CCSER1: variants seen among roughly 807,000 people sequenced by gnomAD.
CCSER1 encodes the protein coiled-coil serine rich protein 1, also known as serine-rich coiled-coil domain-containing protein 1.
Under a neutral mutation model 82.0 loss-of-function variants are expected in CCSER1, and 41 were observed. The observed-to-expected ratio is 0.50, with a 90% confidence interval of 0.39 to 0.65. CCSER1 has a LOEUF of 0.65. Among genes scored for constraint, CCSER1 ranks in the 30% least tolerant of loss-of-function variants. The pLI is 0.00. For missense variants in CCSER1, 1,119 were observed against 1,064.2 expected (o/e 1.05, Z -0.72); for synonymous variants, 414 against 383.9 (o/e 1.08, Z -0.92).
In CCSER1 at chr4:91,075,546, A is replaced by T. The variant is rs59725775; in HGVS notation, c.2173-10404A>T. 9.1e-3 allele frequency among the ~76,000 whole-genome samples: 1,387 copies of T among 152,292 alleles called. 17 individuals carry two copies. The highest frequency in any genetic ancestry group is 0.032 in the African/African-American group (1,324 of 41,556). Reference sequence around the variant, plus strand: ...TAATATTAAGAATCAACCCATATGCATACATATATATGAATAATTTGACTG... The same window carrying T: ...TAATATTAAGAATCAACCCATATGCTTACATATATATGAATAATTTGACTG... On this transcript the variant is annotated intron_variant, in intron 9 of 10. Coordinates refer to ENST00000509176, the MANE Select transcript of CCSER1 (RefSeq NM_001145065.2).
chr4:90,672,272 A>G (rs13131985), intron 6 of CCSER1, among the ~76,000 whole-genome samples: 69,841 of 151,866 alleles, frequency 0.46, 16,448 homozygotes, highest in Middle Eastern at 0.59. Flanking sequence ...ACCTTTATCA[A>G]TTATCTTAGC....
intron 1 of CCSER1, among the ~76,000 whole-genome samples, chr4:90,181,288 A>G (rs1263034502): frequency 1.3e-5 from 2 of 152,218 alleles, no homozygotes; most frequent in African/African-American, 2.4e-5. Context: ...TGGTCATAGT[A>G]ATTTTAATTC....
Position 90,309,633 on chromosome 4 carries a change from A to G in CCSER1, c.1324+25A>G, listed in dbSNP as rs1427587907. ...GGTATGCTGATTTTTTTTGTATAAC[A>G]AATGATATGAATTAATTTTCATTAT... On this transcript the variant is annotated intron_variant, in intron 2 of 10. Coordinates refer to ENST00000509176, the MANE Select transcript of CCSER1 (RefSeq NM_001145065.2). The G allele has an allele frequency of 2.7e-6, 4 of 1,487,316 alleles. No homozygotes were observed. The African/African-American group carries it at 5.6e-5, about 21-fold the overall frequency. The allele number at this position is 1,487,316 out of a possible 1,614,324, so 92.1% of individuals were successfully genotyped here.
intron 10 of CCSER1, among the ~76,000 whole-genome samples, chr4:91,447,034 A>G (rs929807153): frequency 2.6e-5 from 4 of 152,166 alleles, no homozygotes; most frequent in African/African-American, 7.2e-5. Context: ...GCACAGGGAC[A>G]TGGGGTGTCA....
At chr4:91,509,402 T>C (rs575822765) in intron 10 of CCSER1, among the ~76,000 whole-genome samples, 1 of 152,250 alleles carries the variant, frequency 6.6e-6, no homozygotes, top group African/African-American at 2.4e-5. Context: ...AATTTTTCTC[T>C]TATTACATTC....
intron 10 of CCSER1, among the ~76,000 whole-genome samples, chr4:91,321,646 T>A (rs2149265474): frequency 6.6e-6 from 1 of 152,180 alleles, no homozygotes; most frequent in Admixed American, 6.6e-5. Context: ...AGCTTTCAAC[T>A]TAAGGTTTTT....
intron 6 of CCSER1, among the ~76,000 whole-genome samples, chr4:90,640,915 A>G (rs10020456): frequency 1.1e-4 from 17 of 151,954 alleles, no homozygotes; most frequent in African/African-American, 1.7e-4. Context: ...AGTTCTTTAT[A>G]GCAGTATGAA....
At chr4:90,446,054 A>G (rs1300912857) in intron 4 of CCSER1, among the ~76,000 whole-genome samples, 1 of 152,136 alleles carries the variant, frequency 6.6e-6, no homozygotes, top group Non-Finnish European at 1.5e-5. Flanking sequence ...CTTTTCACCA[A>G]ACACTTCACA....
intron 1 of CCSER1, among the ~76,000 whole-genome samples, chr4:90,190,018 T>C (rs1735322177): frequency 6.6e-6 from 1 of 151,970 alleles, no homozygotes; most frequent in Non-Finnish European, 1.5e-5. Flanking sequence ...TGTGGAACAA[T>C]AAAAGGTTTT....
chr4:90,850,501 C>A (rs943897749), intron 8 of CCSER1, among the ~76,000 whole-genome samples: 17 of 152,240 alleles, frequency 1.1e-4, no homozygotes, highest in African/African-American at 3.9e-4. Flanking sequence ...TGGGAGCCCA[C>A]TTCCTGCACC....
intron 4 of CCSER1, among the ~76,000 whole-genome samples, chr4:90,435,348 T>C (rs977636162): frequency 6.6e-6 from 1 of 152,210 alleles, no homozygotes; most frequent in East Asian, 1.9e-4. Context: ...AAAATTAATT[T>C]ACTTCTTAGT....
chr4:90,208,597 C>T (rs1048101250), intron 1 of CCSER1, among the ~76,000 whole-genome samples: 3 of 152,006 alleles, frequency 2.0e-5, no homozygotes. Flanking sequence ...CAAACGGCCA[C>T]CCAGTTTTAT....
chr4:91,392,166 A>G (rs1343322092), intron 10 of CCSER1, among the ~76,000 whole-genome samples: 1 of 152,120 alleles, frequency 6.6e-6, no homozygotes, highest in East Asian at 1.9e-4. Context: ...TCAGGGTAAA[A>G]GTATTTTAAA....
intron 9 of CCSER1, among the ~76,000 whole-genome samples, chr4:90,989,297 C>G (rs1417314369): frequency 6.6e-6 from 1 of 151,708 alleles, no homozygotes; most frequent in Non-Finnish European, 1.5e-5. Flanking sequence ...TATTATGGAA[C>G]AGCTTGAGTT....
chr4:91,529,105 C>A (rs1033204342), intron 10 of CCSER1, among the ~76,000 whole-genome samples: 1 of 152,034 alleles, frequency 6.6e-6, no homozygotes, highest in Non-Finnish European at 1.5e-5. Flanking sequence ...CCTTGAATGA[C>A]CCCCTTGGCA....
Position 91,331,410 on chromosome 4 carries a change from C to T in CCSER1, c.2217+245416C>T, listed in dbSNP as rs1003042191. Among the ~76,000 whole-genome samples, 7 of 152,228 alleles carry T rather than the reference C, an allele frequency of 4.6e-5. No homozygotes were observed. In the East Asian group the frequency reaches 1.4e-3, roughly 30 times the overall value. ...GAAACCCCTAAGGTATCTGCAAGGG[C>T]TTAAAAGATCTGGCTCCACATCATC... On this transcript the variant is annotated intron_variant, in intron 10 of 10. Transcript: ENST00000509176.
intron 9 of CCSER1, among the ~76,000 whole-genome samples, chr4:91,033,213 C>G (rs1420366814): frequency 2.0e-5 from 3 of 152,072 alleles, no homozygotes; most frequent in Non-Finnish European, 4.4e-5. Context: ...GACATTGTTA[C>G]AGAAATATGG....
At chr4:90,470,262 C>T (rs1231607753) in intron 5 of CCSER1, among the ~76,000 whole-genome samples, 1 of 152,052 alleles carries the variant, frequency 6.6e-6, no homozygotes, top group African/African-American at 2.4e-5. Context: ...ATATATATCC[C>T]ATATTTTAAA....
intron 6 of CCSER1, among the ~76,000 whole-genome samples, chr4:90,702,524 T>C (rs778629707): frequency 6.6e-6 from 1 of 152,200 alleles, no homozygotes; most frequent in Non-Finnish European, 1.5e-5. Flanking sequence ...TTTCTATTGA[T>C]TGGAATCATT....
Sources: allele counts gnomAD v4.1 joint callset (sites outside exome capture counted in the v4.1 genomes callset), GRCh38; gene constraint gnomAD v4.1.1; transcripts MANE v1.5; gene names NCBI Gene and HGNC (gene_info 2026-07-23, HGNC 2026-07-21).